FHIT: variants seen among roughly 807,000 people sequenced by gnomAD.
FHIT encodes bis(5'-adenosyl)-triphosphatase.
FHIT carries 19 observed loss-of-function variants against 17.9 expected under a neutral mutation model. That is an observed-to-expected ratio of 1.06 (90% confidence interval 0.74 to 1.56). FHIT has a LOEUF of 1.56. Ranked by LOEUF, FHIT falls within the 40% of genes most tolerant of loss-of-function variation. FHIT has a pLI of 0.00. For missense variants in FHIT, 248 were observed against 189.2 expected (o/e 1.31, Z -1.82); for synonymous variants, 81 against 69.7 (o/e 1.16, Z -0.81).
chr3:60,443,913 G>A lies in FHIT; in HGVS notation c.103+92947C>T, dbSNP rs535606192. Among the ~76,000 whole-genome samples the A allele has an allele frequency of 2.4e-3, 363 of 152,160 alleles. 1 individual carries two copies. The highest frequency in any genetic ancestry group is 7.8e-3 in the African/African-American group (322 of 41,534). On this transcript the variant is annotated intron_variant, in intron 5 of 9. Coordinates refer to ENST00000492590, the MANE Select transcript of FHIT (RefSeq NM_002012.4). ...CATCAGAGTGAACAGGCAACCTACA[G>A]AATGGGAGAAAATTTTTGCAATCTA...
intron 4 of FHIT, among the ~76,000 whole-genome samples, chr3:60,606,934 AC>A (rs1457920441): frequency 2.6e-5 from 4 of 152,142 alleles, no homozygotes; most frequent in African/African-American, 9.7e-5. Flanking sequence ...AGTCTCTGTT[AC>A]CTGCTTCCAC....
intron 5 of FHIT, among the ~76,000 whole-genome samples, chr3:60,193,911 G>C (rs764676173): frequency 6.6e-6 from 1 of 152,098 alleles, no homozygotes; most frequent in Non-Finnish European, 1.5e-5. Flanking sequence ...AAATGGGCTC[G>C]CTTTCCAATC....
intron 5 of FHIT, among the ~76,000 whole-genome samples, chr3:60,042,589 A>G (rs567542762): frequency 6.6e-6 from 1 of 151,864 alleles, no homozygotes; most frequent in Admixed American, 6.6e-5. Context: ...CTATGTCTAA[A>G]TTTCCCTTTC....
chr3:60,844,688 T>C (rs1702862330), intron 3 of FHIT, among the ~76,000 whole-genome samples: 2 of 152,194 alleles, frequency 1.3e-5, no homozygotes, highest in African/African-American at 4.8e-5. Flanking sequence ...CATATGTAAT[T>C]AATCATATTT....
At chr3:60,542,978 C>G (rs1180903820) in intron 4 of FHIT, among the ~76,000 whole-genome samples, 1 of 152,156 alleles carries the variant, frequency 6.6e-6, no homozygotes, top group Non-Finnish European at 1.5e-5. Context: ...GCCAATTTTC[C>G]TAGTACCAAT....
intron 5 of FHIT, among the ~76,000 whole-genome samples, chr3:60,246,903 G>C (rs1264362864): frequency 6.6e-6 from 1 of 152,100 alleles, no homozygotes; most frequent in African/African-American, 2.4e-5. Flanking sequence ...TTTTAAGTTA[G>C]AATGACAATA....
intron 8 of FHIT, among the ~76,000 whole-genome samples, chr3:59,841,026 T>G (rs2106748747): frequency 6.6e-6 from 1 of 152,304 alleles, no homozygotes; most frequent in East Asian, 1.9e-4. Flanking sequence ...ATCTCTAGAT[T>G]TTGCTAAAGA....
chr3:60,290,471 G>C (rs1707931258), intron 5 of FHIT, among the ~76,000 whole-genome samples: 1 of 152,078 alleles, frequency 6.6e-6, no homozygotes, highest in East Asian at 2.0e-4. Context: ...ATGTGGCAGA[G>C]AACTGAGACC....
chr3:59,801,359 T>C (rs1699985979), intron 8 of FHIT, among the ~76,000 whole-genome samples: 1 of 149,336 alleles, frequency 6.7e-6, no homozygotes, highest in African/African-American at 2.6e-5. Context: ...GATGGATTTG[T>C]TCTTGTTTTT....
chr3:59,863,666 A>T (rs1427214933), intron 8 of FHIT, among the ~76,000 whole-genome samples: 1 of 152,204 alleles, frequency 6.6e-6, no homozygotes, highest in Non-Finnish European at 1.5e-5. Flanking sequence ...ATGAATTAAG[A>T]TTATTACCGT....
chr3:59,947,456 C>T (rs559667639), intron 7 of FHIT, among the ~76,000 whole-genome samples: 3 of 151,960 alleles, frequency 2.0e-5, no homozygotes, highest in East Asian at 3.9e-4. Flanking sequence ...TTTCAAAGAC[C>T]CAATTTATGG....
chr3:60,333,520 CTTT>C (rs1710091436), intron 5 of FHIT, among the ~76,000 whole-genome samples: 1 of 151,190 alleles, frequency 6.6e-6, no homozygotes, highest in South Asian at 2.1e-4. Flanking sequence ...TTAAAAACTT[CTTT>C]ATTTGTTGTG....
At chr3:60,451,098 A>C (rs2031711140) in intron 5 of FHIT, among the ~76,000 whole-genome samples, 1 of 152,178 alleles carries the variant, frequency 6.6e-6, no homozygotes, top group South Asian at 2.1e-4. Flanking sequence ...AACATCGGTA[A>C]AACAACAACT....
chr3:60,567,486 C>T (rs2037181508), intron 4 of FHIT, among the ~76,000 whole-genome samples: 1 of 152,076 alleles, frequency 6.6e-6, no homozygotes, highest in African/African-American at 2.4e-5. Context: ...AATGTTAGAC[C>T]TAAAACCATA....
chr3:59,901,138 C>G (rs972475845), intron 8 of FHIT, among the ~76,000 whole-genome samples: 2 of 152,152 alleles, frequency 1.3e-5, no homozygotes, highest in African/African-American at 4.8e-5. Context: ...AAACTATTGT[C>G]TGAACTTTAA....
At chr3:60,356,753 C>CAAAAAAAAAAAAAAAAAA (rs57588436) in intron 5 of FHIT, among the ~76,000 whole-genome samples, 15 of 58,676 alleles carry the variant, frequency 2.6e-4, no homozygotes, top group Non-Finnish European at 3.3e-4. Flanking sequence ...AAGACAGAGA[C>CAAAAAAAAAAAAAAAAAA]AAAAAAAAAA....
intron 7 of FHIT, among the ~76,000 whole-genome samples, chr3:59,996,693 G>C (rs1161725143): frequency 6.6e-6 from 1 of 152,046 alleles, no homozygotes; most frequent in Admixed American, 6.6e-5. Flanking sequence ...AGCCTGGTGG[G>C]TATTAGACAT....
intron 8 of FHIT, among the ~76,000 whole-genome samples, chr3:59,855,597 G>C (rs182259361): frequency 1.6e-4 from 25 of 152,112 alleles, no homozygotes; most frequent in Admixed American, 1.2e-3. Flanking sequence ...ATAGAAGATA[G>C]CCTCAATGTT....
chr3:59,931,542 C>G (rs1321368065), intron 7 of FHIT, among the ~76,000 whole-genome samples: 1 of 152,112 alleles, frequency 6.6e-6, no homozygotes, highest in East Asian at 1.9e-4. Context: ...AGCTCCTTCA[C>G]TTAGAATATT....
Sources: gnomAD v4.1 joint callset for allele counts (sites outside exome capture counted in the v4.1 genomes callset) on GRCh38, gnomAD v4.1.1 for gene constraint, MANE v1.5 for transcripts, NCBI Gene and HGNC (gene_info 2026-07-23, HGNC 2026-07-21) for gene names.